Variants in COL5A3 observed in about 807,000 individuals in gnomAD.
COL5A3 encodes collagen type V alpha 3 chain.
A neutral mutation model predicts 250.0 loss-of-function variants in COL5A3; 172 were observed. That is an observed-to-expected ratio of 0.69 (90% CI 0.61 to 0.78). The LOEUF (loss-of-function observed/expected upper bound fraction) is 0.78. Among genes scored for constraint, COL5A3 ranks in the 30% least tolerant of loss-of-function variants. The pLI is 0.00. For synonymous variants in COL5A3, 937 were observed against 900.4 expected (o/e 1.04, Z -0.73); for missense variants, 2,340 against 2,334.4 (o/e 1.00, Z -0.05).
At chr19:9,996,979 A>G (rs1386293330) in intron 11 of COL5A3, 4 of 530,580 alleles carry the variant, frequency 7.5e-6, no homozygotes, top group Non-Finnish European at 1.3e-5. Flanking sequence ...AGAGAGATAG[A>G]CAGAGACAGA....
In COL5A3 at chr19:9,993,049, C is replaced by T. The variant is rs143288779; in HGVS notation, c.1768G>A (p.Gly590Arg). ...DGERGAEGPP[G>R]PTGQAGEPGP... is the part of the protein sequence containing the mutation. ...GGCTCCCCAGCCTGGCCAGTGGGCCCTGGAGGTCCCTCTGCTCCCTGTGGA... is the reference window on the plus strand; with the variant it reads ...GGCTCCCCAGCCTGGCCAGTGGGCCTTGGAGGTCCCTCTGCTCCCTGTGGA... Residue 590 changes from glycine (G) to arginine (R), a missense_variant, in exon 20 of 67, where the codon GGG (glycine) becomes AGG (arginine). This residue lies in a region of COL5A3 where 1,152 missense variants were observed against 1,146.3 expected (regional missense o/e 1.00). Transcript: ENST00000264828. 2 of 1,613,944 alleles carry T rather than the reference C, an allele frequency of 1.2e-6. No homozygotes were observed. Among genetic ancestry groups the T allele is most frequent in the Non-Finnish European group, 1.7e-6 (2 of 1,179,932 alleles).
Position 10,010,490 on chromosome 19 carries a change from G to T in COL5A3, c.-105C>A. 1.4e-6 allele frequency: 1 copy of T among 722,490 alleles called. No individual in the cohort carries two copies. The highest frequency in any genetic ancestry group is 2.0e-6 in the Non-Finnish European group (1 of 506,546). The allele number at this position is 722,490 out of a possible 1,614,324, so 44.8% of individuals were successfully genotyped here. ...CACTCGCGGCGGCCGCTCCTCTCAG[G>T]GTCCGCGGGAAACTGCCCGAGACCC... On this transcript the variant is annotated 5_prime_UTR_variant, in exon 1 of 67. Transcript: ENST00000264828.
intron 8 of COL5A3, 143 bp from the exon 9 acceptor site, chr19:9,998,292 TA>T: frequency 1.2e-6 from 1 of 817,824 alleles, no homozygotes; most frequent in Non-Finnish European, 1.9e-6. Context: ...TCCTCTACTG[TA>T]ACCAATATGC....
At position 9,967,904 on chromosome 19, in the gene COL5A3, C is replaced by T. The variant is rs770852092; in HGVS notation, c.4404G>A (p.Pro1468=). The change falls in exon 61 of 67, where the codon CCG becomes CCA. Residue 1468 remains proline, a splice_region_variant and synonymous_variant. Coordinates refer to ENST00000264828, the MANE Select transcript of COL5A3 (RefSeq NM_015719.4). The part of the protein sequence containing the change: ...PLGQKGSKGS[P]GSMGPRGDTG... ...GCCCACGGAAGCAGGGTGTACTCACCGGAGACCCTTTTGAGCCTTTCTGTC... is the reference window on the plus strand; with the variant it reads ...GCCCACGGAAGCAGGGTGTACTCACTGGAGACCCTTTTGAGCCTTTCTGTC... 1.1e-5 allele frequency: 17 copies of T among 1,612,994 alleles called. No homozygotes were observed. Among genetic ancestry groups the T allele is most frequent in the Admixed American group, 3.3e-5 (2 of 59,870 alleles).
In COL5A3 at chr19:10,003,646, C is replaced by T; in HGVS notation, c.768G>A (p.Gly256=). The change falls in exon 6 of 67, where the codon GGG becomes GGA. Residue 256 remains glycine, a synonymous_variant. Coordinates refer to ENST00000264828, the MANE Select transcript of COL5A3 (RefSeq NM_015719.4). ...RKGKGKGRKK[G]RGRKGKGRKK... ...TCCTGCCCTTCCCCTTGCGACCTCG[C>T]CCTTTCTTCCTCCCTTTTCCCTTCC... The T allele has an allele frequency of 6.2e-7, 1 of 1,614,164 alleles. No individual in the cohort carries two copies. The highest frequency in any genetic ancestry group is 8.5e-7 in the Non-Finnish European group (1 of 1,180,008).
Position 9,969,556 on chromosome 19 carries a change from C to G in COL5A3, c.4098+19G>C, listed in dbSNP as rs200969885. 1.2e-5 allele frequency: 19 copies of G among 1,609,536 alleles called. No homozygotes were observed. In the East Asian group the frequency reaches 3.3e-4, roughly 28 times the overall value. On this transcript the variant is annotated intron_variant, in intron 56 of 66. Coordinates refer to ENST00000264828, the MANE Select transcript of COL5A3 (RefSeq NM_015719.4). ...GGAGCTGGATCCACCCTGTCCCACC[C>G]CTGCCCCGCTCCACTCACCACAGGG...
intron 54 of COL5A3, among the ~76,000 whole-genome samples, chr19:9,970,340 GAGTGTGTTCTGTGGC>G (rs1599533566): frequency 3.1e-5 from 3 of 97,228 alleles, no homozygotes; most frequent in Non-Finnish European, 4.3e-5. Context: ...GTCTGTGGGT[GAGTGTGTTCTGTGGC>G]TGAGTGGGGT....
At chr19:10,007,047 CCTCT>C (rs1394696814) in intron 1 of COL5A3, among the ~76,000 whole-genome samples, 2 of 151,582 alleles carry the variant, frequency 1.3e-5, no homozygotes, top group African/African-American at 4.9e-5. Flanking sequence ...TGACCTCCTC[CCTCT>C]GACTTTCCCC....
chr19:9,977,394 C>A lies in COL5A3; in HGVS notation c.3205G>T (p.Ala1069Ser). 3 of 1,575,892 alleles carry A rather than the reference C, an allele frequency of 1.9e-6. No homozygotes were observed. Among genetic ancestry groups the A allele is most frequent in the South Asian group, 2.3e-5 (2 of 85,444 alleles). Residue 1069 changes from alanine (A) to serine (S), a missense_variant, in exon 43 of 67, where the codon GCT becomes TCT. Ala to Ser is a moderately conservative substitution (Grantham distance 99). Coordinates refer to ENST00000264828, the MANE Select transcript of COL5A3 (RefSeq NM_015719.4). ...PLGPLGPPGA[A>S]GPSGEEGDKG... ...TCCCCTTCCTCGCCAGAAGGCCCAG[C>A]AGCTCCAGGGGGTCCCAGAGGCCCC...
chr19:9,976,581 G>C lies in COL5A3; in HGVS notation c.3319C>G (p.Pro1107Ala), dbSNP rs1188899621. The change falls in exon 45 of 67, where the codon CCT (proline) becomes GCT (alanine). Residue 1107 changes from proline to alanine, a missense_variant. By Grantham distance (27) the Pro-to-Ala change is conservative. Coordinates refer to ENST00000264828, the MANE Select transcript of COL5A3 (RefSeq NM_015719.4). ...ACCGGGGGACCTGGGTGTCCTGCAG[G>C]ACCCCGTATCCCTGGTTGTCCAGGT... is the stretch of plus-strand genomic sequence containing the variant. Reference protein sequence around the residue: ...GPPGQPGIRGPAGHPGPPGAD... With the variant: ...GPPGQPGIRGAAGHPGPPGAD... 12 of 1,568,404 alleles carry C rather than the reference G, an allele frequency of 7.7e-6. No individual in the cohort carries two copies. The highest frequency in any genetic ancestry group is 1.0e-5 in the Non-Finnish European group (12 of 1,164,334).
At chr19:9,966,802 G>C (rs1315726614) in intron 62 of COL5A3, 56 bp from the exon 63 acceptor site, 2 of 1,362,988 alleles carry the variant, frequency 1.5e-6, no homozygotes, top group Middle Eastern at 2.4e-4. Flanking sequence ...GGGAGAGAGA[G>C]GGAGAAAGAG....
At position 9,993,388 on chromosome 19, in the gene COL5A3, C is replaced by A; in HGVS notation, c.1741G>T (p.Gly581Cys). Residue 581 changes from glycine to cysteine, a missense_variant, in exon 19 of 67, where the codon GGT (glycine) becomes TGT (cysteine). By Grantham distance (159) the Gly-to-Cys change is radical (BLOSUM62 -3). This residue lies in a region of COL5A3 where 1,152 missense variants were observed against 1,146.3 expected (regional missense o/e 1.00). Coordinates refer to ENST00000264828, the MANE Select transcript of COL5A3 (RefSeq NM_015719.4). Reference protein sequence around the residue: ...VGQPGPPGEDGERGAEGPPGP... With the variant: ...VGQPGPPGEDCERGAEGPPGP... ...CTCTCTTCCAAACTTACCCTCTCAC[C>A]ATCCTCTCCTGGGGGACCGGGTTGC... The A allele has an allele frequency of 6.2e-7, 1 of 1,614,188 alleles. No homozygotes were observed. The highest frequency in any genetic ancestry group is 1.1e-5 in the South Asian group (1 of 91,080).
chr19:9,975,443 T>A (rs58911461), intron 45 of COL5A3, among the ~76,000 whole-genome samples: 27,198 of 151,854 alleles, frequency 0.18, 2,762 homozygotes, highest in East Asian at 0.23. Flanking sequence ...GGGGCTGAAG[T>A]GGGGGTTCAG....
intron 24 of COL5A3, 72 bp from the exon 25 acceptor site, chr19:9,989,594 G>A (rs73005185): frequency 0.023 from 30,731 of 1,349,764 alleles, 507 homozygotes; most frequent in South Asian, 0.053. Context: ...GATCTACGCA[G>A]ACATGCAGCC....
rs758457066 is a variant in COL5A3, at chr19:9,978,948, T to G, written c.2907A>C (p.Lys969Asn). 6.5e-7 allele frequency: 1 copy of G among 1,532,070 alleles called. No homozygotes were observed. Among genetic ancestry groups the G allele is most frequent in the East Asian group, 2.4e-5 (1 of 41,740 alleles). 94.9% of individuals were successfully genotyped at this position (1,532,070 alleles called of 1,614,324 possible). A position where few individuals can be genotyped will look rare whatever the true frequency, so the allele number is the denominator to read the frequency against. ...AGCCCCTGAGTCCAGCTGGCCCTTC[T>G]TTCCCAAGGGGTCCTGGTGGTCCCA... Reference protein sequence around the residue: ...GELGPPGPLGKEGPAGLRGFP... With the variant: ...GELGPPGPLGNEGPAGLRGFP... Residue 969 changes from lysine to asparagine, a missense_variant, in exon 40 of 67, where the codon AAA (lysine) becomes AAC (asparagine). By Grantham distance (94) the Lys-to-Asn change is moderately conservative. Coordinates refer to ENST00000264828, the MANE Select transcript of COL5A3 (RefSeq NM_015719.4).
At chr19:9,971,577 TCATC>T (rs374895359) in intron 51 of COL5A3, among the ~76,000 whole-genome samples, 4 of 151,964 alleles carry the variant, frequency 2.6e-5, no homozygotes, top group East Asian at 1.9e-4. Flanking sequence ...ATTCATTCAT[TCATC>T]CATCCATCCA....
In COL5A3 at chr19:9,986,391, T is replaced by C; in HGVS notation, c.2276A>G (p.Glu759Gly). The stretch of plus-strand genomic sequence containing the variant: ...CCCCTTCGGCCCCTCAGGACCATCC[T>C]CTCCCCGGGGACCTGGAGCTCCGGG... Reference protein sequence around the residue: ...GKPGAPGPRGEDGPEGPKGQA... With the variant: ...GKPGAPGPRGGDGPEGPKGQA... The change falls in exon 30 of 67, where the codon GAG becomes GGG. Residue 759 changes from glutamate to glycine, a missense_variant. Transcript: ENST00000264828. 1.2e-6 allele frequency: 2 copies of C among 1,611,462 alleles called. No homozygotes were observed. Among genetic ancestry groups the C allele is most frequent in the South Asian group, 2.2e-5 (2 of 91,040 alleles).
In COL5A3 at chr19:10,009,166, GT is replaced by G. The variant is rs2087487906; in HGVS notation, c.88+1131del. Among the ~76,000 whole-genome samples the G allele has an allele frequency of 2.5e-5, 1 of 39,330 alleles. No individual in the cohort carries two copies. Among genetic ancestry groups the G allele is most frequent in the African/African-American group, 9.9e-5 (1 of 10,108 alleles). The allele number at this position is 39,330 out of a possible 152,430, so 25.8% of individuals were successfully genotyped here. On this transcript the variant is annotated intron_variant, in intron 1 of 66. Transcript: ENST00000264828. The surrounding 1 kb of genome is among the most constrained non-coding windows in gnomAD (Gnocchi z 4.4). The stretch of plus-strand genomic sequence containing the variant: ...CAAAGTAAGAAGTGTGCTGTGGTGT[GT>G]GTGTGTGTGTGTGTGTGTGTGTGTG...
At position 9,969,402 on chromosome 19, in the gene COL5A3, C is replaced by G; in HGVS notation, c.4099G>C (p.Gly1367Arg). The G allele has an allele frequency of 6.2e-7, 1 of 1,607,570 alleles. No individual in the cohort carries two copies. Among genetic ancestry groups the G allele is most frequent in the South Asian group, 1.1e-5 (1 of 90,316 alleles). ...GGGGCTCCCAGGAGGCCTGGTTCAC[C>G]CTGAGAATGGAACAGAACATGGGGT... ...EGLRGIPGPV[G>R]EPGLLGAPGQ... Residue 1367 changes from glycine to arginine, a missense_variant and splice_region_variant, in exon 57 of 67, where the codon GGT (glycine) becomes CGT (arginine). Around this residue, in one of 3 missense-constraint regions of COL5A3, gnomAD observed 1,179 missense variants for 1,162.6 expected, o/e 1.01. Transcript: ENST00000264828.
Sources: gnomAD v4.1 joint callset for allele counts (sites outside exome capture counted in the v4.1 genomes callset) on GRCh38, gnomAD v4.1.1 for gene constraint, gnomAD v4.1.1 regional missense constraint, Gnocchi (gnomAD v3.1) non-coding constraint, MANE v1.5 for transcripts, NCBI Gene and HGNC (gene_info 2026-07-23, HGNC 2026-07-21) for gene names.